Variants in WWOX observed in about 807,000 individuals in gnomAD.
WWOX encodes WW domain containing oxidoreductase.
A neutral mutation model predicts 46.2 loss-of-function variants in WWOX; 69 were observed. The ratio of observed to expected loss-of-function variants is 1.49; its 90% confidence interval spans 1.23 to 1.82. The LOEUF (loss-of-function observed/expected upper bound fraction) is 1.82. Among genes scored for constraint, WWOX ranks in the 40% most tolerant of loss-of-function variants. The pLI, the probability that WWOX is intolerant of heterozygous loss-of-function variation, is 0.00. For synonymous variants in WWOX, 359 were observed against 202.6 expected, an observed-to-expected ratio of 1.77 and a Z score of -6.56; for missense variants, 919 against 542.6, an observed-to-expected ratio of 1.69 and a Z score of -6.89.
chr16:78,502,575 A>G (rs1291344465), intron 8 of WWOX, among the ~76,000 whole-genome samples: 1 of 152,218 alleles, frequency 6.6e-6, no homozygotes, highest in Non-Finnish European at 1.5e-5. Context: ...CATTTTGTGT[A>G]TCCATTCATT....
intron 8 of WWOX, among the ~76,000 whole-genome samples, chr16:78,466,239 C>T (rs2084074499): frequency 6.6e-6 from 1 of 151,930 alleles, no homozygotes; most frequent in Admixed American, 6.6e-5. Context: ...CATCGTGTTA[C>T]CCAGGATGGT....
intron 8 of WWOX, among the ~76,000 whole-genome samples, chr16:78,591,768 C>T (rs2045357998): frequency 1.3e-5 from 2 of 152,184 alleles, no homozygotes; most frequent in African/African-American, 4.8e-5. Context: ...GACTGCTTCA[C>T]TGGACAGGGT....
intron 8 of WWOX, among the ~76,000 whole-genome samples, chr16:79,118,051 T>G (rs1399258816): frequency 6.6e-6 from 1 of 152,276 alleles, no homozygotes; most frequent in East Asian, 1.9e-4. Flanking sequence ...CTTGCCTGTT[T>G]GGCACGAGAT....
intron 8 of WWOX, among the ~76,000 whole-genome samples, chr16:78,795,265 A>G (rs1279895673): frequency 2.0e-5 from 3 of 152,214 alleles, no homozygotes; most frequent in South Asian, 4.1e-4. Flanking sequence ...AAAAAAAGGC[A>G]TAAATACTTT....
intron 8 of WWOX, among the ~76,000 whole-genome samples, chr16:78,782,338 C>G (rs2050349643): frequency 6.6e-6 from 1 of 152,114 alleles, no homozygotes; most frequent in Non-Finnish European, 1.5e-5. Flanking sequence ...CTCTGTTTTC[C>G]TACTTTTCTT....
At chr16:78,106,881 G>A (rs2032181280) in intron 1 of WWOX, among the ~76,000 whole-genome samples, 1 of 152,228 alleles carries the variant, frequency 6.6e-6, no homozygotes, top group Admixed American at 6.5e-5. Context: ...TGAGGTGGCA[G>A]TAGCCCTGAG....
chr16:78,870,670 T>A (rs1004323110), intron 8 of WWOX, among the ~76,000 whole-genome samples: 2 of 152,166 alleles, frequency 1.3e-5, no homozygotes, highest in East Asian at 3.8e-4. Flanking sequence ...GGTGCGATCT[T>A]GCCTCACGGC....
chr16:78,481,089 T>G (rs2084474765), intron 8 of WWOX, among the ~76,000 whole-genome samples: 1 of 152,176 alleles, frequency 6.6e-6, no homozygotes, highest in Non-Finnish European at 1.5e-5. Context: ...CAAAGAGAAA[T>G]TTGAAATTGC....
chr16:78,319,241 C>T (rs376448880), intron 5 of WWOX, among the ~76,000 whole-genome samples: 9 of 152,042 alleles, frequency 5.9e-5, no homozygotes, highest in African/African-American at 2.2e-4. Context: ...TGGATTCTAC[C>T]GTAGAGCTAC....
At chr16:79,088,113 G>C (rs983266093) in intron 8 of WWOX, among the ~76,000 whole-genome samples, 1 of 152,128 alleles carries the variant, frequency 6.6e-6, no homozygotes, top group Non-Finnish European at 1.5e-5. Flanking sequence ...ACTCTCTCAG[G>C]CTCCTGAAGG....
chr16:78,482,161 C>T (rs1411024960), intron 8 of WWOX, among the ~76,000 whole-genome samples: 1 of 152,112 alleles, frequency 6.6e-6, no homozygotes, highest in Non-Finnish European at 1.5e-5. Context: ...CATCACAGTT[C>T]CACAGCCCTC....
At chr16:79,053,106 A>G (rs868816109) in intron 8 of WWOX, among the ~76,000 whole-genome samples, 3 of 133,676 alleles carry the variant, frequency 2.2e-5, no homozygotes, top group Admixed American at 7.3e-5. Flanking sequence ...TCTTTTGATC[A>G]TGTTCTTCAC....
intron 8 of WWOX, among the ~76,000 whole-genome samples, chr16:79,049,381 G>C (rs2048124474): frequency 6.6e-6 from 1 of 152,212 alleles, no homozygotes; most frequent in Admixed American, 6.5e-5. Flanking sequence ...TGAGTAATGT[G>C]GATGAGGCTG....
intron 8 of WWOX, among the ~76,000 whole-genome samples, chr16:78,777,135 C>T (rs187114751): frequency 2.6e-5 from 4 of 152,244 alleles, no homozygotes; most frequent in Admixed American, 6.5e-5. Flanking sequence ...ATCATTGTTT[C>T]TTGGTTTCTA....
chr16:78,410,414 G>T (rs539279971), intron 6 of WWOX, among the ~76,000 whole-genome samples: 1 of 152,198 alleles, frequency 6.6e-6, no homozygotes, highest in South Asian at 2.1e-4. Context: ...ACTTCTTTGG[G>T]GGACTTTTAT....
At chr16:78,421,739 G>C (rs1013651029) in intron 6 of WWOX, among the ~76,000 whole-genome samples, 1 of 152,052 alleles carries the variant, frequency 6.6e-6, no homozygotes, top group Non-Finnish European at 1.5e-5. Context: ...CAGTAAAGCT[G>C]GCTAAAACTT....
intron 8 of WWOX, among the ~76,000 whole-genome samples, chr16:78,529,521 C>T (rs1252594525): frequency 6.6e-6 from 1 of 152,056 alleles, no homozygotes; most frequent in Non-Finnish European, 1.5e-5. Flanking sequence ...GGCTGGAATG[C>T]AATGGCAAGA....
chr16:78,187,397 G>A (rs549442171), intron 5 of WWOX, among the ~76,000 whole-genome samples: 1 of 152,246 alleles, frequency 6.6e-6, no homozygotes, highest in South Asian at 2.1e-4. Flanking sequence ...GATCACTTGA[G>A]GTCGGGAGTT....
chr16:79,003,014 C>T (rs768883043), intron 8 of WWOX, among the ~76,000 whole-genome samples: 16 of 152,170 alleles, frequency 1.1e-4, no homozygotes, highest in East Asian at 1.9e-4. Flanking sequence ...GCACCCAGCT[C>T]GCCAATGCAT....
Sources: allele counts gnomAD v4.1 joint callset (sites outside exome capture counted in the v4.1 genomes callset), GRCh38; gene constraint gnomAD v4.1.1; transcripts MANE v1.5; gene names NCBI Gene and HGNC (gene_info 2026-07-23, HGNC 2026-07-21).